IARS2: variants seen among roughly 807,000 people sequenced by gnomAD.
IARS2 encodes the protein isoleucyl-tRNA synthetase 2, mitochondrial, also known as isoleucine--tRNA ligase, mitochondrial.
A neutral mutation model predicts 126.3 loss-of-function variants in IARS2; 56 were observed. The ratio of observed to expected loss-of-function variants is 0.44; its 90% CI spans 0.36 to 0.55. IARS2 has a LOEUF of 0.55. Ranked by LOEUF, IARS2 falls within the 20% of genes least tolerant of loss-of-function variation. The probability of loss-of-function intolerance (pLI) is 0.00; values close to 1 mark genes in which losing one functional copy is unlikely to be tolerated. For synonymous variants in IARS2, 407 were observed against 441.1 expected (o/e 0.92, Z 0.97); for missense variants, 1,127 against 1,245.9 (o/e 0.90, Z 1.44).
chr1:220,119,581 T>G (rs1447911848), intron 12 of IARS2, among the ~76,000 whole-genome samples: 1 of 152,106 alleles, frequency 6.6e-6, no homozygotes, highest in Admixed American at 6.6e-5. Flanking sequence ...AACAGAAAAT[T>G]ATTTAAGAAA....
At chr1:220,143,634 G>C (rs1051416289) in intron 21 of IARS2, among the ~76,000 whole-genome samples, 1 of 152,084 alleles carries the variant, frequency 6.6e-6, no homozygotes, top group East Asian at 1.9e-4. Context: ...TAAGGGTCAG[G>C]TTTCCTGAGA....
Position 220,114,304 on chromosome 1 carries a change from T to C in IARS2, c.1480-10T>C. 1 of 1,609,708 alleles carries C rather than the reference T, an allele frequency of 6.2e-7. No individual in the cohort carries two copies. The highest frequency in any genetic ancestry group is 2.2e-5 in the East Asian group (1 of 44,826). Reference sequence around the variant, plus strand: ...TCTCTCACAAGACTTGATTTATGAATTAATTGCAGGAATTGTTAAAAAAGG... The same window carrying C: ...TCTCTCACAAGACTTGATTTATGAACTAATTGCAGGAATTGTTAAAAAAGG... On this transcript the variant is annotated splice_polypyrimidine_tract_variant and intron_variant, in intron 11 of 22. Transcript: ENST00000366922.
rs144054072 is a variant in IARS2 at position 220,112,673 on chromosome 1, G to A, written c.1480-1641G>A. 1.4e-4 allele frequency among the ~76,000 whole-genome samples: 20 copies of A among 138,462 alleles called. No homozygotes were observed. In the East Asian group the frequency reaches 4.2e-3, roughly 29 times the overall value. 90.8% of individuals were successfully genotyped at this position (138,462 alleles called of 152,430 possible). A position where few individuals can be genotyped will look rare whatever the true frequency, so the allele number is the denominator to read the frequency against. ...TCCTGGACTCAACCTATCCTCCCAC[G>A]TCAGCCTCCTGAGTAACTGGGACTA... is the stretch of plus-strand genomic sequence containing the variant. On this transcript the variant is annotated intron_variant, in intron 11 of 22. Coordinates refer to ENST00000366922, the MANE Select transcript of IARS2 (RefSeq NM_018060.4).
intron 12 of IARS2, among the ~76,000 whole-genome samples, chr1:220,117,507 T>C (rs1364515560): frequency 1.3e-5 from 2 of 152,052 alleles, no homozygotes; most frequent in Non-Finnish European, 2.9e-5. Flanking sequence ...GCTACTCTTC[T>C]TTTCACTATT....
At chr1:220,140,723 G>A (rs765118568) in intron 19 of IARS2, among the ~76,000 whole-genome samples, 1 of 152,026 alleles carries the variant, frequency 6.6e-6, no homozygotes, top group East Asian at 1.9e-4. Context: ...GGTGCCTCAC[G>A]CCTGTAATCC....
At chr1:220,098,893 C>T (rs1254687050) in intron 2 of IARS2, among the ~76,000 whole-genome samples, 2 of 152,070 alleles carry the variant, frequency 1.3e-5, no homozygotes, top group Non-Finnish European at 2.9e-5. Flanking sequence ...GTTCATATGA[C>T]TGAAAGCAAC....
At chr1:220,124,718 T>G (rs535134744) in intron 12 of IARS2, among the ~76,000 whole-genome samples, 2 of 151,892 alleles carry the variant, frequency 1.3e-5, no homozygotes, top group Non-Finnish European at 2.9e-5. Flanking sequence ...AGGGAGGGAG[T>G]CCTGGAAAGT....
rs1486759741 is a variant in IARS2, at chr1:220,139,121, G to A, written c.2289G>A (p.Leu763=). Residue 763 remains leucine, a synonymous_variant, in exon 18 of 23, where the codon CTG becomes CTA. Transcript: ENST00000366922. ...YVIDQYMLHL[L]QDLANKITEL... is the part of the protein sequence containing the mutation. The stretch of plus-strand genomic sequence containing the variant: ...TAGACCAGTACATGCTACACTTACT[G>A]CAGGATTTGGCAAACAAGGTAAATG... 5.0e-6 allele frequency: 8 copies of A among 1,606,146 alleles called. No homozygotes were observed. Among genetic ancestry groups the A allele is most frequent in the Admixed American group, 1.7e-5 (1 of 58,552 alleles).
Position 220,096,816 on chromosome 1 carries a change from G to T in IARS2, c.390+590G>T, listed in dbSNP as rs540835145. Among the ~76,000 whole-genome samples the T allele has an allele frequency of 8.9e-4, 136 of 152,250 alleles. 1 individual carries two copies. The highest frequency in any genetic ancestry group is 3.2e-3 in the African/African-American group (135 of 41,544). On this transcript the variant is annotated intron_variant, in intron 2 of 22. Transcript: ENST00000366922. ...AATCCCAGCCCTTTGGGAGGCCGAG[G>T]CAAGCGGATCACGAGGTCAGGAGAT... is the stretch of plus-strand genomic sequence containing the variant.
Position 220,094,179 on chromosome 1 carries a change from C to A in IARS2, c.-38C>A. Reference sequence around the variant, plus strand: ...GGGGTCCTGCCCCTTCAAGCTGGGGCGGGAGCGGAGGACCCCGCTCTCAGG... The same window carrying A: ...GGGGTCCTGCCCCTTCAAGCTGGGGAGGGAGCGGAGGACCCCGCTCTCAGG... On this transcript the variant is annotated 5_prime_UTR_variant, in exon 1 of 23. Transcript: ENST00000366922. 1 of 1,492,536 alleles carries A rather than the reference C, an allele frequency of 6.7e-7. No homozygotes were observed. Among genetic ancestry groups the A allele is most frequent in the Non-Finnish European group, 8.9e-7 (1 of 1,124,070 alleles). 92.5% of individuals were successfully genotyped at this position (1,492,536 alleles called of 1,614,324 possible). A position where few individuals can be genotyped will look rare whatever the true frequency, so the allele number is the denominator to read the frequency against.
At chr1:220,144,699 C>T (rs1226503389) in intron 21 of IARS2, among the ~76,000 whole-genome samples, 1 of 152,116 alleles carries the variant, frequency 6.6e-6, no homozygotes, top group Admixed American at 6.5e-5. Context: ...AAAAGAAGAA[C>T]AGCTTGTTTG....
chr1:220,103,087 C>A lies in IARS2; in HGVS notation c.950+310C>A, dbSNP rs147337854. Among the ~76,000 whole-genome samples the A allele has an allele frequency of 6.8e-4, 103 of 151,504 alleles. 1 individual carries two copies. In the East Asian group the frequency reaches 0.018, roughly 27 times the overall value. ...CGAGTTTTGCCTTTTGTTGCCCAGG[C>A]TGGAGTACAGTGGCATGATCTTGGC... On this transcript the variant is annotated intron_variant, in intron 7 of 22. Transcript: ENST00000366922.
At chr1:220,110,761 TA>T in intron 10 of IARS2, 24 bp from the exon 11 acceptor site, 1 of 1,526,112 alleles carries the variant, frequency 6.6e-7, no homozygotes, top group South Asian at 1.2e-5. Context: ...TAATTATGTC[TA>T]ATTTGGTGTT....
In IARS2 at chr1:220,126,983, C is replaced by T. The variant is rs1253913186; in HGVS notation, c.1837+140C>T. ...GCTATATTTTAGACCTCGAAAGACC[C>T]TTAGAGTTTACTTAATCCAATGATT... On this transcript the variant is annotated intron_variant, in intron 14 of 22. Transcript: ENST00000366922. The T allele has an allele frequency of 2.8e-5, 16 of 573,766 alleles. No homozygotes were observed. The East Asian group carries it at 4.3e-4, about 16-fold the overall frequency. 35.5% of individuals were successfully genotyped at this position (573,766 alleles called of 1,614,324 possible).
chr1:220,095,694 C>T (rs888660660), intron 1 of IARS2, among the ~76,000 whole-genome samples: 2 of 152,072 alleles, frequency 1.3e-5, no homozygotes, highest in African/African-American at 4.8e-5. Flanking sequence ...GCATGTTGTT[C>T]CCAGATTTGG....
chr1:220,114,321 TA>T lies in IARS2; in HGVS notation c.1493del (p.Lys498ArgfsTer2). On this transcript the variant is annotated frameshift_variant, in exon 12 of 23. Coordinates refer to ENST00000366922, the MANE Select transcript of IARS2 (RefSeq NM_018060.4). LOFTEE classifies it high-confidence loss of function. ...TDIKTAAKELLKKVKFIPGSA... is the reference protein window; with the variant it reads ...TDIKTAAKELXKKVKFIPGSA... ...TTTATGAATTAATTGCAGGAATTGT[TA>T]AAAAAGGTGAAATTTATTCCTGGAT... is the stretch of plus-strand genomic sequence containing the variant. The T allele has an allele frequency of 6.2e-7, 1 of 1,613,462 alleles. No homozygotes were observed. The highest frequency in any genetic ancestry group is 8.5e-7 in the Non-Finnish European group (1 of 1,179,394).
chr1:220,119,809 A>G (rs956449956), intron 12 of IARS2, among the ~76,000 whole-genome samples: 2 of 152,100 alleles, frequency 1.3e-5, no homozygotes, highest in Non-Finnish European at 2.9e-5. Flanking sequence ...TTAGCTCTTA[A>G]TGGTTGCCTA....
rs373433981 is a variant in IARS2, at chr1:220,102,520, G to C, written c.775G>C (p.Glu259Gln). The stretch of plus-strand genomic sequence containing the variant: ...GACTGCATTGGCTGAAGCAGAACTT[G>C]AATATAATCCTGAGCATGTCAGTCG... ...SRTALAEAEL[E>Q]YNPEHVSRSI... Residue 259 changes from glutamate (E) to glutamine (Q), a missense_variant, in exon 6 of 23, where the codon GAA becomes CAA. Coordinates refer to ENST00000366922, the MANE Select transcript of IARS2 (RefSeq NM_018060.4). 1.7e-5 allele frequency: 28 copies of C among 1,613,820 alleles called. No individual in the cohort carries two copies. The African/African-American group carries it at 3.6e-4, about 21-fold the overall frequency.
At chr1:220,103,062 C>T (rs1394994732) in intron 7 of IARS2, among the ~76,000 whole-genome samples, 1 of 150,402 alleles carries the variant, frequency 6.6e-6, no homozygotes, top group African/African-American at 2.4e-5. Flanking sequence ...TTTTGGAGAC[C>T]GAGTTTTGCC....
Sources: gnomAD v4.1 joint callset for allele counts (sites outside exome capture counted in the v4.1 genomes callset) on GRCh38, gnomAD v4.1.1 for gene constraint, MANE v1.5 for transcripts, NCBI Gene and HGNC (gene_info 2026-07-23, HGNC 2026-07-21) for gene names.